Variants in IL17RD observed in about 807,000 individuals in gnomAD.
IL17RD encodes the protein interleukin 17 receptor D, also known as interleukin-17 receptor D.
IL17RD carries 52 observed loss-of-function variants against 80.5 expected under a neutral mutation model. The ratio of observed to expected loss-of-function variants is 0.65; its 90% confidence interval spans 0.52 to 0.81. The LOEUF (loss-of-function observed/expected upper bound fraction) is 0.81. Ranked by LOEUF, IL17RD falls within the 40% of genes least tolerant of loss-of-function variation. IL17RD has a pLI of 0.00. For synonymous variants in IL17RD, 416 were observed against 391.8 expected, an observed-to-expected ratio of 1.06 and a Z score of -0.73; for missense variants, 1,024 against 955.1, an observed-to-expected ratio of 1.07 and a Z score of -0.95.
At chr3:57,143,525 C>T (rs919386061) in intron 1 of IL17RD, among the ~76,000 whole-genome samples, 16 of 152,342 alleles carry the variant, frequency 1.1e-4, no homozygotes, top group African/African-American at 3.4e-4. Flanking sequence ...GCCAGTACCC[C>T]TATCAGAAGT....
chr3:57,110,252 G>C lies in IL17RD; in HGVS notation c.370C>G (p.Gln124Glu), dbSNP rs1579271264. The change falls in exon 4 of 13, where the codon CAG (glutamine) becomes GAG (glutamate). Residue 124 changes from glutamine (Q) to glutamate (E), a missense_variant. Transcript: ENST00000296318. ...TCCTTTAGAATCAGTTGTTGGCACTGTCTTCCCTCCGACTTCAGCTCCTCC... is the reference window on the plus strand; with the variant it reads ...TCCTTTAGAATCAGTTGTTGGCACTCTCTTCCCTCCGACTTCAGCTCCTCC... ...ILEELKSEGR[Q>E]CQQLILKDPK... 1 of 1,609,688 alleles carries C rather than the reference G, an allele frequency of 6.2e-7. No homozygotes were observed. The highest frequency in any genetic ancestry group is 1.7e-4 in the Middle Eastern group (1 of 6,058).
intron 3 of IL17RD, 105 bp downstream of exon 3, chr3:57,114,587 C>G: frequency 9.4e-7 from 1 of 1,068,216 alleles, no homozygotes; most frequent in Non-Finnish European, 1.3e-6. Context: ...ATAAGCCTCA[C>G]TCACATCAAG....
intron 1 of IL17RD, among the ~76,000 whole-genome samples, chr3:57,163,801 GAAGGGGGTGGC>G (rs2060324696): frequency 1.6e-5 from 1 of 64,122 alleles, no homozygotes; most frequent in Non-Finnish European, 3.2e-5. Context: ...GGCGGGGGGG[GAAGGGGGTGGC>G]GGGGGCGGAG....
intron 1 of IL17RD, chr3:57,134,264 G>A (rs1339673385): frequency 1.5e-6 from 1 of 683,676 alleles, no homozygotes. Context: ...AGATCCAGAA[G>A]CTGATCAAAG....
At chr3:57,146,031 A>ACGCGCACG (rs1553627613) in intron 1 of IL17RD, among the ~76,000 whole-genome samples, 1 of 132,760 alleles carries the variant, frequency 7.5e-6, no homozygotes, top group East Asian at 2.4e-4. Flanking sequence ...ACACACACTC[A>ACGCGCACG]CGCGCGCGCG....
At chr3:57,102,940 A>G (rs1674540826) in intron 9 of IL17RD, 151 bp downstream of exon 9, 7 of 619,720 alleles carry the variant, frequency 1.1e-5, no homozygotes, top group Non-Finnish European at 1.7e-5. Flanking sequence ...TATAAACATT[A>G]GAATGGAAGA....
At chr3:57,153,999 A>G (rs2060248598) in intron 1 of IL17RD, among the ~76,000 whole-genome samples, 1 of 152,008 alleles carries the variant, frequency 6.6e-6, no homozygotes, top group African/African-American at 2.4e-5. Flanking sequence ...TAATCCCAGC[A>G]CTTTGCGAGG....
rs187140927 is a variant in IL17RD, at chr3:57,118,342, A to T, written c.184+1914T>A. The stretch of plus-strand genomic sequence containing the variant: ...AGCCATGCCAGCAACTGTGGGTGTG[A>T]ATCTGACACACATATTTGTATCTTA... On this transcript the variant is annotated intron_variant, in intron 2 of 12. Coordinates refer to ENST00000296318, the MANE Select transcript of IL17RD (RefSeq NM_017563.5). 2.8e-4 allele frequency among the ~76,000 whole-genome samples: 42 copies of T among 152,358 alleles called. 2 individuals carry two copies. The East Asian group carries it at 8.1e-3, about 29-fold the overall frequency.
intron 2 of IL17RD, among the ~76,000 whole-genome samples, chr3:57,118,834 G>A (rs1182508917): frequency 6.6e-6 from 1 of 152,176 alleles, no homozygotes; most frequent in African/African-American, 2.4e-5. Flanking sequence ...AATGATGCTA[G>A]AAGAAGGAAA....
intron 1 of IL17RD, chr3:57,134,153 T>G (rs1559479757): frequency 4.7e-6 from 3 of 641,174 alleles, no homozygotes; most frequent in Admixed American, 1.9e-5. Context: ...TGCTCAGGTT[T>G]CAGATGAGGC....
At chr3:57,126,117 G>C (rs529391235) in intron 1 of IL17RD, among the ~76,000 whole-genome samples, 6 of 152,316 alleles carry the variant, frequency 3.9e-5, no homozygotes, top group Non-Finnish European at 7.3e-5. Flanking sequence ...TATTTAATGA[G>C]CTGACGATTA....
chr3:57,114,577 A>G, intron 3 of IL17RD, 115 bp downstream of exon 3: 2 of 927,812 alleles, frequency 2.2e-6, no homozygotes, highest in Non-Finnish European at 3.1e-6. Flanking sequence ...CCAATCCAAC[A>G]TAAGCCTCAC....
chr3:57,136,632 A>AACCCC (rs1707733694), intron 1 of IL17RD, among the ~76,000 whole-genome samples: 2 of 81,084 alleles, frequency 2.5e-5, no homozygotes, highest in South Asian at 5.1e-4. Flanking sequence ...CCCGCCCCCA[A>AACCCC]CCCCCACTCA....
chr3:57,091,545 A>T lies in IL17RD; in HGVS notation c.*4848T>A, dbSNP rs1706555337. On this transcript the variant is annotated 3_prime_UTR_variant, in exon 13 of 13. Coordinates refer to ENST00000296318, the MANE Select transcript of IL17RD (RefSeq NM_017563.5). ...CAACTAAACTAAGTGTGAAGCTGAG[A>T]AACATTACAGCAGTGAAAATTATTA... 6.6e-6 allele frequency: 1 copy of T among 152,638 alleles called. No individual in the cohort carries two copies. The highest frequency in any genetic ancestry group is 1.5e-5 in the Non-Finnish European group (1 of 68,046). 9.5% of individuals were successfully genotyped at this position (152,638 alleles called of 1,614,324 possible). A position where few individuals can be genotyped will look rare whatever the true frequency, so the allele number is the denominator to read the frequency against.
intron 1 of IL17RD, among the ~76,000 whole-genome samples, chr3:57,138,293 T>C (rs1405083568): frequency 2.0e-5 from 3 of 151,540 alleles, no homozygotes; most frequent in Admixed American, 2.0e-4. Context: ...AAGAAAAAAG[T>C]AAAAACAAAA....
In IL17RD at chr3:57,101,212, G is replaced by A. The variant is rs148170637; in HGVS notation, c.1131C>T (p.Phe377=). The change falls in exon 11 of 13, where the codon TTC becomes TTT. Residue 377 remains phenylalanine, a synonymous_variant. Transcript: ENST00000296318. ...GQNHMNVVQC[F]AYFLQDFCGC... ...CACAGAAGTCCTGGAGGAAGTAGGC[G>A]AAACACTGGACGACATTCATGTGAT... 6.8e-5 allele frequency: 109 copies of A among 1,613,580 alleles called. No individual in the cohort carries two copies. The highest frequency in any genetic ancestry group is 8.5e-5 in the Non-Finnish European group (100 of 1,179,684).
intron 1 of IL17RD, among the ~76,000 whole-genome samples, chr3:57,127,287 T>TATAAATATATATAA (rs1559476925): frequency 1.3e-5 from 1 of 79,116 alleles, no homozygotes; most frequent in East Asian, 4.7e-4. Flanking sequence ...TATATATAAA[T>TATAAATATATATAA]ATATATAAAT....
intron 1 of IL17RD, among the ~76,000 whole-genome samples, chr3:57,155,034 C>T (rs1424507347): frequency 2.0e-5 from 3 of 152,136 alleles, no homozygotes; most frequent in Non-Finnish European, 4.4e-5. Context: ...CAAAGCCGGG[C>T]AAAAACTCAT....
chr3:57,109,693 A>T lies in IL17RD; in HGVS notation c.430-36T>A. ...ACAAAAACACAGTGACATCATGGAGAAATTACCCACCCCTCCACCTTCATA... is the reference window on the plus strand; with the variant it reads ...ACAAAAACACAGTGACATCATGGAGTAATTACCCACCCCTCCACCTTCATA... On this transcript the variant is annotated intron_variant, in intron 4 of 12. Coordinates refer to ENST00000296318, the MANE Select transcript of IL17RD (RefSeq NM_017563.5). The T allele has an allele frequency of 1.9e-6, 3 of 1,600,230 alleles. No homozygotes were observed. In the East Asian group the frequency reaches 6.7e-5, roughly 36 times the overall value.
Sources: allele counts gnomAD v4.1 joint callset (sites outside exome capture counted in the v4.1 genomes callset), GRCh38; gene constraint gnomAD v4.1.1; transcripts MANE v1.5; gene names NCBI Gene and HGNC (gene_info 2026-07-23, HGNC 2026-07-21).